The following LRRTM4 variants were observed in gnomAD, a reference collection of about 807,000 sequenced individuals.
The protein encoded by LRRTM4 is leucine-rich repeat transmembrane neuronal protein 4.
Under a neutral mutation model 47.6 loss-of-function variants are expected in LRRTM4, and 25 were observed. That is an observed-to-expected ratio of 0.53 (90% CI 0.38 to 0.73). The LOEUF is 0.73. Among genes scored for constraint, LRRTM4 ranks in the 30% least tolerant of loss-of-function variants. The pLI is 0.00. For missense variants in LRRTM4, 638 were observed against 713.4 expected, an observed-to-expected ratio of 0.89 and a Z score of 1.20; for synonymous variants, 311 against 269.5, an observed-to-expected ratio of 1.15 and a Z score of -1.51.
At chr2:76,912,509 T>C (rs1305111534) in intron 3 of LRRTM4, among the ~76,000 whole-genome samples, 1 of 152,158 alleles carries the variant, frequency 6.6e-6, no homozygotes, top group East Asian at 1.9e-4. Context: ...CACAAGCAAT[T>C]GGTAATGTCG....
chr2:76,878,480 T>C (rs1672838708), intron 3 of LRRTM4, among the ~76,000 whole-genome samples: 1 of 152,068 alleles, frequency 6.6e-6, no homozygotes, highest in Non-Finnish European at 1.5e-5. Flanking sequence ...GGTAGGCCTT[T>C]TGTGCCACAT....
chr2:76,786,465 C>T (rs1285546066), intron 3 of LRRTM4, among the ~76,000 whole-genome samples: 1 of 151,746 alleles, frequency 6.6e-6, no homozygotes, highest in East Asian at 1.9e-4. Flanking sequence ...TCATAGAACT[C>T]TAAAAAAACA....
At chr2:77,072,807 A>AAAAC (rs1680200892) in intron 3 of LRRTM4, among the ~76,000 whole-genome samples, 1 of 151,144 alleles carries the variant, frequency 6.6e-6, no homozygotes, top group African/African-American at 2.4e-5. Context: ...TTCCAAAAAA[A>AAAAC]AAAAAAAAAA....
intron 3 of LRRTM4, among the ~76,000 whole-genome samples, chr2:77,112,402 C>T (rs919520676): frequency 6.6e-6 from 1 of 151,950 alleles, no homozygotes; most frequent in Non-Finnish European, 1.5e-5. Context: ...CTCTTATTAC[C>T]CTATTTCTTT....
In LRRTM4 at chr2:77,438,393, A is replaced by ATTTTT. The variant is rs70956631; in HGVS notation, c.1551+79920_1551+79924dup. 4.3e-4 allele frequency among the ~76,000 whole-genome samples: 43 copies of ATTTTT among 100,190 alleles called. 3 individuals carry two copies. The highest frequency in any genetic ancestry group is 1.3e-3 in the African/African-American group (29 of 22,414). The allele number at this position is 100,190 out of a possible 152,430, so 65.7% of individuals were successfully genotyped here. ...TACATTTTCGCTCTCGATCATGATA[A>ATTTTT]TTTTTTTTTTTTTTTTTTTTTTTTT... On this transcript the variant is annotated intron_variant, in intron 3 of 3. Coordinates refer to ENST00000409884, the MANE Select transcript of LRRTM4 (RefSeq NM_001134745.3).
At chr2:76,757,509 G>A (rs1384756894) in intron 3 of LRRTM4, among the ~76,000 whole-genome samples, 1 of 152,124 alleles carries the variant, frequency 6.6e-6, no homozygotes, top group Non-Finnish European at 1.5e-5. Flanking sequence ...AGCACTCGCA[G>A]TATTCAGTGA....
intron 3 of LRRTM4, among the ~76,000 whole-genome samples, chr2:76,895,898 T>A (rs746173948): frequency 6.6e-6 from 1 of 152,052 alleles, no homozygotes; most frequent in Non-Finnish European, 1.5e-5. Context: ...CAATAACATA[T>A]GGGCTTCCAC....
chr2:76,971,153 A>C (rs938216478), intron 3 of LRRTM4, among the ~76,000 whole-genome samples: 2 of 151,992 alleles, frequency 1.3e-5, no homozygotes, highest in Non-Finnish European at 2.9e-5. Flanking sequence ...AAGTCTTCCC[A>C]AACAGTTAAA....
intron 3 of LRRTM4, among the ~76,000 whole-genome samples, chr2:76,974,198 AT>A (rs1676328855): frequency 1.0e-5 from 1 of 96,380 alleles, no homozygotes. Flanking sequence ...ATATATATAC[AT>A]ATATATATAT....
intron 3 of LRRTM4, among the ~76,000 whole-genome samples, chr2:77,099,004 G>A (rs1309815003): frequency 6.6e-6 from 1 of 151,744 alleles, no homozygotes; most frequent in East Asian, 1.9e-4. Context: ...GTGGAACCAT[G>A]GAAAATTATA....
chr2:77,195,474 T>C (rs182710782), intron 3 of LRRTM4, among the ~76,000 whole-genome samples: 9 of 152,198 alleles, frequency 5.9e-5, no homozygotes, highest in Non-Finnish European at 1.3e-4. Context: ...ACTTATCACC[T>C]ACTACAAAGA....
rs568789354 is a variant in LRRTM4 at position 77,515,754 on chromosome 2, C to T, written c.1551+2564G>A. Among the ~76,000 whole-genome samples the T allele has an allele frequency of 5.9e-5, 9 of 151,898 alleles. No individual in the cohort carries two copies. The South Asian group carries it at 6.2e-4, about 11-fold the overall frequency. ...AAAAACATTGTAAAGTTGGGCAAAT[C>T]GCTGCCCTCTCTTGGCTCTATTTTG... On this transcript the variant is annotated intron_variant, in intron 3 of 3. Coordinates refer to ENST00000409884, the MANE Select transcript of LRRTM4 (RefSeq NM_001134745.3).
At chr2:77,224,809 CCT>C (rs751544609) in intron 3 of LRRTM4, among the ~76,000 whole-genome samples, 5 of 152,066 alleles carry the variant, frequency 3.3e-5, no homozygotes, top group Non-Finnish European at 7.4e-5. Context: ...TGTGGTGATT[CCT>C]CTCAGGGATC....
At chr2:76,849,164 G>T (rs746484746) in intron 3 of LRRTM4, among the ~76,000 whole-genome samples, 1 of 152,032 alleles carries the variant, frequency 6.6e-6, no homozygotes, top group Non-Finnish European at 1.5e-5. Context: ...TAGTTGCTGT[G>T]CTTTGAGAGT....
chr2:76,927,009 CTTAAT>C (rs1235025241), intron 3 of LRRTM4, among the ~76,000 whole-genome samples: 1 of 152,122 alleles, frequency 6.6e-6, no homozygotes, highest in African/African-American at 2.4e-5. Flanking sequence ...TTTACATCTG[CTTAAT>C]TTATTTTTGC....
At chr2:77,244,677 AAAGT>A in intron 3 of LRRTM4, among the ~76,000 whole-genome samples, 1 of 152,136 alleles carries the variant, frequency 6.6e-6, no homozygotes, top group South Asian at 2.1e-4. Context: ...AAATGTGGCA[AAAGT>A]TATGGAAAAT....
chr2:77,474,481 G>A (rs1490125618), intron 3 of LRRTM4, among the ~76,000 whole-genome samples: 2 of 151,974 alleles, frequency 1.3e-5, no homozygotes, highest in Non-Finnish European at 2.9e-5. Context: ...TTCTATAGAG[G>A]TGGTTACAGC....
At chr2:77,384,810 G>A (rs554730225) in intron 3 of LRRTM4, among the ~76,000 whole-genome samples, 9 of 152,152 alleles carry the variant, frequency 5.9e-5, no homozygotes, top group South Asian at 4.1e-4. Flanking sequence ...GAAAGTAAGC[G>A]AAAATGGATC....
chr2:77,109,950 T>G (rs1460460183), intron 3 of LRRTM4, among the ~76,000 whole-genome samples: 1 of 151,460 alleles, frequency 6.6e-6, no homozygotes, highest in Non-Finnish European at 1.5e-5. Context: ...TGCAGCACAA[T>G]CAGCTGAAGA....
Sources: allele counts gnomAD v4.1 joint callset (sites outside exome capture counted in the v4.1 genomes callset), GRCh38; gene constraint gnomAD v4.1.1; transcripts MANE v1.5; gene names NCBI Gene and HGNC (gene_info 2026-07-23, HGNC 2026-07-21).